The following PCSK5 variants were observed in gnomAD, a reference collection of about 807,000 sequenced individuals.
PCSK5 encodes the protein proprotein convertase subtilisin/kexin type 5, also known as prohormone convertase 5.
Under a neutral mutation model 233.2 loss-of-function variants are expected in PCSK5, and 129 were observed. The observed-to-expected ratio is 0.55, with a 90% CI of 0.48 to 0.64. The LOEUF (loss-of-function observed/expected upper bound fraction) is 0.64. Ranked by LOEUF, PCSK5 falls within the 30% of genes least tolerant of loss-of-function variation. The probability of loss-of-function intolerance (pLI) is 0.00; values close to 1 mark genes in which losing one functional copy is unlikely to be tolerated. For missense variants in PCSK5, 2,076 were observed against 2,430.1 expected (o/e 0.85, Z 3.06); for synonymous variants, 825 against 879.2 (o/e 0.94, Z 1.09).
At chr9:75,969,872 C>CTT (rs35326945) in intron 2 of PCSK5, among the ~76,000 whole-genome samples, 28 of 138,428 alleles carry the variant, frequency 2.0e-4, no homozygotes, top group African/African-American at 2.9e-4. Context: ...TCCAGAAATC[C>CTT]TTTTTTTTTT....
intron 35 of PCSK5, among the ~76,000 whole-genome samples, chr9:76,348,049 T>C (rs1587362438): frequency 6.6e-6 from 1 of 152,170 alleles, no homozygotes; most frequent in East Asian, 1.9e-4. Flanking sequence ...GGTGGGCAGA[T>C]CACTTGAGGT....
At chr9:76,027,627 G>T (rs945311798) in intron 5 of PCSK5, among the ~76,000 whole-genome samples, 6 of 142,894 alleles carry the variant, frequency 4.2e-5, no homozygotes, top group Admixed American at 7.5e-5. Flanking sequence ...GTTTACTACT[G>T]TGGTTTTTAG....
chr9:76,321,001 A>G (rs1476466522), intron 30 of PCSK5, among the ~76,000 whole-genome samples: 3 of 151,610 alleles, frequency 2.0e-5, no homozygotes, highest in Non-Finnish European at 4.4e-5. Context: ...TTTTTAGTAG[A>G]GACAGTGTTT....
chr9:76,315,040 C>T (rs1828983977), intron 30 of PCSK5, among the ~76,000 whole-genome samples: 2 of 152,188 alleles, frequency 1.3e-5, no homozygotes, highest in Middle Eastern at 3.4e-3. Context: ...GCAACCTCTA[C>T]CTCCCAGGTT....
At chr9:76,072,992 G>A (rs1442189723) in intron 7 of PCSK5, among the ~76,000 whole-genome samples, 1 of 152,142 alleles carries the variant, frequency 6.6e-6, no homozygotes, top group Non-Finnish European at 1.5e-5. Flanking sequence ...TTACTAAATT[G>A]CGAGTTCCTA....
At chr9:76,032,267 A>G (rs1192884960) in intron 5 of PCSK5, among the ~76,000 whole-genome samples, 7 of 152,222 alleles carry the variant, frequency 4.6e-5, no homozygotes, top group Admixed American at 2.0e-4. Flanking sequence ...TATTCATTCA[A>G]GCAGTATTCA....
chr9:76,222,750 A>ATTTT (rs1825768774), intron 20 of PCSK5, among the ~76,000 whole-genome samples: 4 of 152,166 alleles, frequency 2.6e-5, no homozygotes, highest in Non-Finnish European at 5.9e-5. Flanking sequence ...TCATAGTTTG[A>ATTTT]GCCTTGCTAT....
intron 24 of PCSK5, among the ~76,000 whole-genome samples, chr9:76,284,040 A>T (rs1389225639): frequency 6.6e-6 from 1 of 152,142 alleles, no homozygotes; most frequent in East Asian, 1.9e-4. Flanking sequence ...ATTAGCTCAG[A>T]TGTAGCATTT....
chr9:76,316,452 G>T (rs569057095), intron 30 of PCSK5, among the ~76,000 whole-genome samples: 1 of 151,944 alleles, frequency 6.6e-6, no homozygotes, highest in Admixed American at 6.6e-5. Flanking sequence ...AGATGTGATT[G>T]GTAAGGTACA....
At chr9:76,324,341 C>G (rs1018208593) in intron 32 of PCSK5, among the ~76,000 whole-genome samples, 3 of 152,136 alleles carry the variant, frequency 2.0e-5, no homozygotes, top group African/African-American at 7.2e-5. Flanking sequence ...AGTGGTTCTC[C>G]TGCCTCAGCC....
intron 9 of PCSK5, among the ~76,000 whole-genome samples, chr9:76,129,104 C>T (rs1372905367): frequency 6.6e-6 from 1 of 152,144 alleles, no homozygotes; most frequent in Non-Finnish European, 1.5e-5. Context: ...ATGTTTTTAC[C>T]TATCTCAGCA....
chr9:76,064,506 G>T (rs186715383), intron 5 of PCSK5, among the ~76,000 whole-genome samples: 35,052 of 145,982 alleles, frequency 0.24, 4,482 homozygotes, highest in South Asian at 0.32. Flanking sequence ...CGGGCGGGGG[G>T]CTGAACCCCC....
At chr9:76,205,313 C>G (rs370530026) in intron 20 of PCSK5, 1 of 514,940 alleles carries the variant, frequency 1.9e-6, no homozygotes, top group African/African-American at 1.9e-5. Context: ...TGTTCCCACA[C>G]AGAACACAGC....
chr9:76,150,781 C>T (rs1349980539), intron 10 of PCSK5, among the ~76,000 whole-genome samples: 1 of 152,138 alleles, frequency 6.6e-6, no homozygotes, highest in Non-Finnish European at 1.5e-5. Context: ...CTAAGAAGCT[C>T]ATGCTCCTTT....
At chr9:76,251,132 G>A (rs187506347) in intron 24 of PCSK5, among the ~76,000 whole-genome samples, 15 of 152,222 alleles carry the variant, frequency 9.9e-5, no homozygotes, top group Admixed American at 8.5e-4. Flanking sequence ...TCAAGGTGTG[G>A]TGTGCATGGC....
chr9:76,333,055 AG>A (rs1323512563), intron 34 of PCSK5, among the ~76,000 whole-genome samples: 6 of 152,250 alleles, frequency 3.9e-5, no homozygotes, highest in Non-Finnish European at 8.8e-5. Flanking sequence ...ATCAGGCTAT[AG>A]TCCCAGCTTC....
rs190528995 is a variant in PCSK5, at chr9:76,235,767, G to T, written c.2866+2171G>T. Among the ~76,000 whole-genome samples, 338 of 152,306 alleles carry T rather than the reference G, an allele frequency of 2.2e-3. 2 individuals are homozygous for T. Among genetic ancestry groups the T allele is most frequent in the African/African-American group, 7.8e-3 (324 of 41,558 alleles). ...GCAGAGAAGGCTTCCTCGAGGTGGG[G>T]TGTTGTTTACCAAGCCCTGAGGTAG... On this transcript the variant is annotated intron_variant, in intron 22 of 37. Coordinates refer to ENST00000674117, the MANE Select transcript of PCSK5 (RefSeq NM_001372043.1).
At chr9:75,903,820 G>A (rs947696507) in intron 1 of PCSK5, among the ~76,000 whole-genome samples, 1 of 151,390 alleles carries the variant, frequency 6.6e-6, no homozygotes, top group South Asian at 2.1e-4. Flanking sequence ...AGAGCAGGGA[G>A]GGGAGATCAT....
chr9:76,133,603 G>A (rs1051470799), intron 9 of PCSK5, among the ~76,000 whole-genome samples: 5 of 151,968 alleles, frequency 3.3e-5, no homozygotes, highest in South Asian at 2.1e-4. Flanking sequence ...ATGCTGTTTC[G>A]TTGAGATTTT....
Sources: gnomAD v4.1 joint callset for allele counts (sites outside exome capture counted in the v4.1 genomes callset) on GRCh38, gnomAD v4.1.1 for gene constraint, MANE v1.5 for transcripts, NCBI Gene and HGNC (gene_info 2026-07-23, HGNC 2026-07-21) for gene names.